MAPK8: variants seen among roughly 807,000 people sequenced by gnomAD.
MAPK8 encodes the protein JUN N-terminal kinase.
In MAPK8, 13 loss-of-function variants were observed where a neutral mutation model predicts 52.9. The observed-to-expected ratio is 0.25, with a 90% CI of 0.16 to 0.39. The LOEUF (loss-of-function observed/expected upper bound fraction) is 0.39. Among genes scored for constraint, MAPK8 ranks in the 10% least tolerant of loss-of-function variants. The pLI is 1.00. For synonymous variants in MAPK8, 191 were observed against 169.8 expected (o/e 1.12, Z -0.97); for missense variants, 300 against 519.2 (o/e 0.58, Z 4.10).
intron 1 of MAPK8, among the ~76,000 whole-genome samples, chr10:48,323,714 T>C (rs1346471155): frequency 6.6e-6 from 1 of 152,216 alleles, no homozygotes; most frequent in African/African-American, 2.4e-5. Context: ...GGAAAAATGG[T>C]ATATCTTTAA....
At chr10:48,419,650 T>TAC (rs2043241858) in intron 5 of MAPK8, among the ~76,000 whole-genome samples, 1 of 152,200 alleles carries the variant, frequency 6.6e-6, no homozygotes, top group East Asian at 1.9e-4. Context: ...ACTCTTCTAG[T>TAC]CCTTTGGAAC....
At chr10:48,407,023 C>A (rs1015661801) in intron 3 of MAPK8, among the ~76,000 whole-genome samples, 1 of 152,138 alleles carries the variant, frequency 6.6e-6, no homozygotes, top group Admixed American at 6.6e-5. Context: ...TATATTTTTT[C>A]TTTTGATTAT....
chr10:48,378,508 A>G lies in MAPK8; in HGVS notation c.-49-23104A>G, dbSNP rs2040804966. Among the ~76,000 whole-genome samples, 3 of 152,142 alleles carry G rather than the reference A, an allele frequency of 2.0e-5. No homozygotes were observed. The South Asian group carries it at 6.2e-4, about 32-fold the overall frequency. On this transcript the variant is annotated intron_variant, in intron 1 of 11. Coordinates refer to ENST00000374189, the MANE Select transcript of MAPK8 (RefSeq NM_001323329.2). ...ACATGTCAGAATGAAAAAAGAACCT[A>G]TTCATTAGGGAGCCAACAACAAAAT...
intron 1 of MAPK8, among the ~76,000 whole-genome samples, chr10:48,327,753 A>G (rs1337023199): frequency 2.0e-5 from 3 of 152,140 alleles, no homozygotes; most frequent in Non-Finnish European, 4.4e-5. Flanking sequence ...TGTTGATTCA[A>G]TTTTCTAATA....
chr10:48,389,047 T>C (rs1458886529), intron 1 of MAPK8, among the ~76,000 whole-genome samples: 3 of 152,160 alleles, frequency 2.0e-5, no homozygotes, highest in African/African-American at 7.2e-5. Flanking sequence ...CTACTACTTT[T>C]GGTTAAATTG....
chr10:48,388,637 T>G (rs376884755), intron 1 of MAPK8, among the ~76,000 whole-genome samples: 3 of 152,166 alleles, frequency 2.0e-5, no homozygotes, highest in African/African-American at 7.2e-5. Flanking sequence ...CACACTCTTA[T>G]CTGTTTCTTC....
At chr10:48,383,629 T>A (rs1046868712) in intron 1 of MAPK8, among the ~76,000 whole-genome samples, 3 of 152,144 alleles carry the variant, frequency 2.0e-5, no homozygotes, top group Admixed American at 1.3e-4. Flanking sequence ...CTCTCCAAGG[T>A]ACTGTGAACT....
chr10:48,343,531 A>G (rs79779593), intron 1 of MAPK8, among the ~76,000 whole-genome samples: 1,683 of 152,304 alleles, frequency 0.011, 36 homozygotes, highest in African/African-American at 0.039. Flanking sequence ...AGCATTTTTG[A>G]ACCTGCCACT....
At chr10:48,325,669 A>G (rs534390569) in intron 1 of MAPK8, among the ~76,000 whole-genome samples, 1 of 152,368 alleles carries the variant, frequency 6.6e-6, no homozygotes, top group South Asian at 2.1e-4. Context: ...TTGGTACATT[A>G]TTAACTAAAA....
In MAPK8 at chr10:48,437,634, C is replaced by T. The variant is rs1183723548; in HGVS notation, c.*2605C>T. On this transcript the variant is annotated 3_prime_UTR_variant, in exon 12 of 12. Coordinates refer to ENST00000374189, the MANE Select transcript of MAPK8 (RefSeq NM_001323329.2). ...GTGTTGTTGGGATCACTTAGTTATA[C>T]TATACGCAGATAGAGCATCTCAACT... 1 of 152,136 alleles carries T rather than the reference C, an allele frequency of 6.6e-6. No homozygotes were observed. The highest frequency in any genetic ancestry group is 2.4e-5 in the African/African-American group (1 of 41,408). The allele number at this position is 152,136 out of a possible 1,614,324, so 9.4% of individuals were successfully genotyped here.
At chr10:48,381,001 C>G (rs1207514090) in intron 1 of MAPK8, among the ~76,000 whole-genome samples, 11 of 152,112 alleles carry the variant, frequency 7.2e-5, no homozygotes. Flanking sequence ...AGCATGAGCT[C>G]AAGAAAATCT....
chr10:48,406,489 T>A (rs528756038), intron 3 of MAPK8, among the ~76,000 whole-genome samples: 1 of 152,158 alleles, frequency 6.6e-6, no homozygotes, highest in Admixed American at 6.5e-5. Flanking sequence ...TCTCACATGA[T>A]TAGGCCTCTA....
At chr10:48,314,313 A>C (rs1842284472) in intron 1 of MAPK8, among the ~76,000 whole-genome samples, 1 of 152,082 alleles carries the variant, frequency 6.6e-6, no homozygotes, top group African/African-American at 2.4e-5. Flanking sequence ...TAATATAGTC[A>C]TGAGAGGCTT....
chr10:48,403,420 T>C (rs1402518020), intron 2 of MAPK8, among the ~76,000 whole-genome samples: 2 of 150,414 alleles, frequency 1.3e-5, no homozygotes, highest in East Asian at 2.0e-4. Flanking sequence ...ATGGTGTCAC[T>C]GCACTCCAGC....
intron 1 of MAPK8, among the ~76,000 whole-genome samples, chr10:48,352,011 T>C (rs571083347): frequency 5.3e-5 from 8 of 152,292 alleles, no homozygotes; most frequent in Middle Eastern, 3.4e-3. Context: ...AAGGATACTA[T>C]TTTTAAAAAT....
intron 7 of MAPK8, chr10:48,424,669 T>C: frequency 1.2e-6 from 1 of 803,232 alleles, no homozygotes; most frequent in Non-Finnish European, 2.0e-6. Context: ...ATAATGTATT[T>C]TGTCTCTCCC....
At chr10:48,424,259 A>C in intron 7 of MAPK8, 100 bp downstream of exon 7, 1 of 1,100,486 alleles carries the variant, frequency 9.1e-7, no homozygotes, top group African/African-American at 1.6e-5. Context: ...ATGGGTTTTT[A>C]AACAGGCATA....
intron 3 of MAPK8, among the ~76,000 whole-genome samples, chr10:48,405,295 C>T (rs527460061): frequency 3.3e-5 from 5 of 152,164 alleles, no homozygotes; most frequent in Admixed American, 2.0e-4. Flanking sequence ...TTTTGTTCTC[C>T]GTCAGGCTGA....
intron 1 of MAPK8, among the ~76,000 whole-genome samples, chr10:48,322,991 T>G (rs1843136967): frequency 6.6e-6 from 1 of 152,186 alleles, no homozygotes; most frequent in African/African-American, 2.4e-5. Context: ...AGGAAAGCGA[T>G]TTGTTAGGTT....
Sources: allele counts gnomAD v4.1 joint callset (sites outside exome capture counted in the v4.1 genomes callset), GRCh38; gene constraint gnomAD v4.1.1; transcripts MANE v1.5; gene names NCBI Gene and HGNC (gene_info 2026-07-23, HGNC 2026-07-21).